The following RSPRY1 variants were observed in gnomAD, a reference collection of about 807,000 sequenced individuals.
RSPRY1 encodes the protein RING finger and SPRY domain-containing protein 1.
RSPRY1 carries 23 observed loss-of-function variants against 73.1 expected under a neutral mutation model. That is an observed-to-expected ratio of 0.31 (90% CI 0.23 to 0.45). RSPRY1 has a LOEUF of 0.45. RSPRY1 is among the 20% of genes least tolerant of loss of function. The pLI is 1.00. For synonymous variants in RSPRY1, 226 were observed against 251.4 expected (o/e 0.90, Z 0.95); for missense variants, 448 against 698.7 (o/e 0.64, Z 4.05).
intron 2 of RSPRY1, 33 bp downstream of exon 2, chr16:57,205,041 A>C: frequency 6.5e-7 from 1 of 1,528,802 alleles, no homozygotes; most frequent in Non-Finnish European, 9.0e-7. Context: ...CCTCCAGTGG[A>C]ATGAAAAGTG....
intron 4 of RSPRY1, among the ~76,000 whole-genome samples, chr16:57,210,555 C>A (rs1324155077): frequency 6.6e-6 from 1 of 151,828 alleles, no homozygotes; most frequent in Non-Finnish European, 1.5e-5. Flanking sequence ...TACCCCGTCT[C>A]TACTAAAAAT....
intron 10 of RSPRY1, 51 bp downstream of exon 10, chr16:57,221,466 T>G (rs931969690): frequency 6.5e-7 from 1 of 1,543,784 alleles, no homozygotes; most frequent in Admixed American, 2.0e-5. Context: ...GTTTGCTTTT[T>G]CCCCCTAGTT....
At position 57,220,721 on chromosome 16, in the gene RSPRY1, T is replaced by G; in HGVS notation, c.902-11T>G. The G allele has an allele frequency of 6.3e-7, 1 of 1,575,788 alleles. No individual in the cohort carries two copies. Among genetic ancestry groups the G allele is most frequent in the Non-Finnish European group, 8.7e-7 (1 of 1,145,268 alleles). On this transcript the variant is annotated splice_polypyrimidine_tract_variant and intron_variant, in intron 8 of 14. Coordinates refer to ENST00000394420, the MANE Select transcript of RSPRY1 (RefSeq NM_133368.3). ...CCTGCCTTAGAAACATGAACACTCT[T>G]TCTTTTGCAGTTTTAAAAGAAGGTA...
At chr16:57,228,220 C>T (rs1232054372) in intron 11 of RSPRY1, among the ~76,000 whole-genome samples, 1 of 147,230 alleles carries the variant, frequency 6.8e-6, no homozygotes, top group Non-Finnish European at 1.5e-5. Flanking sequence ...TTGCAATGAG[C>T]CGAGGTTGCG....
At chr16:57,208,204 A>G in intron 3 of RSPRY1, 94 bp downstream of exon 3, 2 of 747,266 alleles carry the variant, frequency 2.7e-6, no homozygotes, top group Admixed American at 5.2e-5. Context: ...TTGTTTTGAG[A>G]TAAAAGACTC....
chr16:57,212,089 A>T (rs1288051302), intron 4 of RSPRY1, among the ~76,000 whole-genome samples: 10 of 152,160 alleles, frequency 6.6e-5, no homozygotes, highest in African/African-American at 2.4e-4. Context: ...AAGCAGGAGG[A>T]TCACTTAAGG....
At chr16:57,212,680 T>A (rs1225343317) in intron 4 of RSPRY1, among the ~76,000 whole-genome samples, 1 of 152,072 alleles carries the variant, frequency 6.6e-6, no homozygotes, top group Non-Finnish European at 1.5e-5. Context: ...AGTGGCACGA[T>A]CTCGGCTCAC....
chr16:57,239,518 A>G lies in RSPRY1; in HGVS notation c.*543A>G, dbSNP rs1295841866. ...ACAAGCAAAACAGAGAACCTGAAAG[A>G]AGGTGCACAGACTGTAAGAAAAAAC... On this transcript the variant is annotated 3_prime_UTR_variant, in exon 15 of 15. Transcript: ENST00000394420. 7 of 152,242 alleles carry G rather than the reference A, an allele frequency of 4.6e-5. No individual in the cohort carries two copies. Among genetic ancestry groups the G allele is most frequent in the African/African-American group, 1.7e-4 (7 of 41,468 alleles). 9.4% of individuals were successfully genotyped at this position (152,242 alleles called of 1,614,324 possible).
At chr16:57,201,820 G>A (rs1046513051) in intron 1 of RSPRY1, among the ~76,000 whole-genome samples, 14 of 152,244 alleles carry the variant, frequency 9.2e-5, no homozygotes, top group African/African-American at 2.9e-4. Flanking sequence ...CCAGTCAGGC[G>A]TGGCGGTGCG....
At position 57,240,130 on chromosome 16, in the gene RSPRY1, C is replaced by A. The variant is rs1261689743; in HGVS notation, c.*1155C>A. 1 of 152,078 alleles carries A rather than the reference C, an allele frequency of 6.6e-6. No individual in the cohort carries two copies. The allele number at this position is 152,078 out of a possible 1,614,324, so 9.4% of individuals were successfully genotyped here. On this transcript the variant is annotated 3_prime_UTR_variant, in exon 15 of 15. Coordinates refer to ENST00000394420, the MANE Select transcript of RSPRY1 (RefSeq NM_133368.3). ...CTCAGCAGCTGCCTTTCAATTTATG[C>A]CAAGTCCTTACAGAGTTTATACTTG... is the stretch of plus-strand genomic sequence containing the variant.
In RSPRY1 at chr16:57,189,593, C is replaced by CTTTTTT. The variant is rs544146883; in HGVS notation, c.-156+3153_-156+3158dup. 2.3e-3 allele frequency among the ~76,000 whole-genome samples: 285 copies of CTTTTTT among 123,984 alleles called. 1 individual carries two copies. Among genetic ancestry groups the CTTTTTT allele is most frequent in the Non-Finnish European group, 3.1e-3 (185 of 60,638 alleles). 81.3% of individuals were successfully genotyped at this position (123,984 alleles called of 152,430 possible). On this transcript the variant is annotated intron_variant, in intron 1 of 14. Transcript: ENST00000394420. The stretch of plus-strand genomic sequence containing the variant: ...CTGTTTTTTCTTTTTCTTTTCTTTT[C>CTTTTTT]TTTTTTTTTTTTTTTTGAGACAGGG...
At chr16:57,188,124 A>G (rs994287253) in intron 1 of RSPRY1, among the ~76,000 whole-genome samples, 2 of 152,180 alleles carry the variant, frequency 1.3e-5, no homozygotes, top group Non-Finnish European at 2.9e-5. Flanking sequence ...CCTAGACTAT[A>G]GATTATGAGG....
intron 14 of RSPRY1, 97 bp from the exon 15 acceptor site, chr16:57,238,782 G>T: frequency 3.3e-6 from 2 of 601,772 alleles, no homozygotes; most frequent in Non-Finnish European, 5.8e-6. Flanking sequence ...CCCTTTCAAT[G>T]AACAAACTTG....
chr16:57,237,570 C>T (rs1449517492), intron 14 of RSPRY1, among the ~76,000 whole-genome samples: 1 of 152,054 alleles, frequency 6.6e-6, no homozygotes, highest in Non-Finnish European at 1.5e-5. Context: ...GGATGAAATA[C>T]TACAAAACAG....
At chr16:57,197,062 T>G (rs1242552609) in intron 1 of RSPRY1, among the ~76,000 whole-genome samples, 1 of 152,218 alleles carries the variant, frequency 6.6e-6, no homozygotes, top group Non-Finnish European at 1.5e-5. Flanking sequence ...TGGTATTGTG[T>G]GTAAAATCTG....
At chr16:57,211,952 T>C (rs983355666) in intron 4 of RSPRY1, among the ~76,000 whole-genome samples, 1 of 152,196 alleles carries the variant, frequency 6.6e-6, no homozygotes, top group Admixed American at 6.5e-5. Flanking sequence ...GGAAAGTCTT[T>C]AGCGTAGTCA....
At chr16:57,234,582 A>ATAT (rs776602936) in intron 13 of RSPRY1, among the ~76,000 whole-genome samples, 2 of 152,156 alleles carry the variant, frequency 1.3e-5, no homozygotes, top group African/African-American at 4.8e-5. Flanking sequence ...CCTTGCCCAT[A>ATAT]TATTAGGGCT....
chr16:57,238,942 A>G lies in RSPRY1; in HGVS notation c.1698A>G (p.Val566=), dbSNP rs751785104. Residue 566 remains valine (V), a synonymous_variant, in exon 15 of 15, where the codon GTA becomes GTG. Transcript: ENST00000394420. ...ETCPLCRKEI[V]SRIRQISHIS ...GCCCATTGTGTCGTAAAGAAATAGT[A>G]TCTAGAATCAGACAGATTTCTCATA... is the stretch of plus-strand genomic sequence containing the variant. The G allele has an allele frequency of 6.2e-7, 1 of 1,608,534 alleles. No individual in the cohort carries two copies.
chr16:57,207,056 G>A (rs2074739894), intron 2 of RSPRY1, among the ~76,000 whole-genome samples: 1 of 152,148 alleles, frequency 6.6e-6, no homozygotes. Flanking sequence ...TTAGGTTACT[G>A]CCAAATTTTT....
Sources: gnomAD v4.1 joint callset for allele counts (sites outside exome capture counted in the v4.1 genomes callset) on GRCh38, gnomAD v4.1.1 for gene constraint, MANE v1.5 for transcripts, NCBI Gene and HGNC (gene_info 2026-07-23, HGNC 2026-07-21) for gene names.